The following NEDD4L variants were observed in gnomAD, a reference collection of about 807,000 sequenced individuals.
The protein encoded by NEDD4L is NEDD4 like E3 ubiquitin protein ligase, also known as E3 ubiquitin-protein ligase NEDD4-like.
A neutral mutation model predicts 148.9 loss-of-function variants in NEDD4L; 54 were observed. The observed-to-expected ratio is 0.36, with a 90% CI of 0.29 to 0.45. The LOEUF (loss-of-function observed/expected upper bound fraction) is 0.45, where lower values mean the gene tolerates loss of function less well. NEDD4L is among the 20% of genes least tolerant of loss of function. The pLI is 1.00. For synonymous variants in NEDD4L, 433 were observed against 440.7 expected (o/e 0.98, Z 0.22); for missense variants, 856 against 1,233.8 (o/e 0.69, Z 4.59).
intron 5 of NEDD4L, among the ~76,000 whole-genome samples, chr18:58,257,639 GT>G (rs1357893960): frequency 6.6e-6 from 1 of 152,140 alleles, no homozygotes; most frequent in Non-Finnish European, 1.5e-5. Context: ...TGGCCTTCCT[GT>G]TTCTCTGTTC....
intron 28 of NEDD4L, chr18:58,390,408 T>G (rs975623541): frequency 1.6e-4 from 62 of 394,984 alleles, no homozygotes; most frequent in Admixed American, 1.5e-4. Context: ...GCTTTTTATA[T>G]CATTTATTTT....
intron 19 of NEDD4L, among the ~76,000 whole-genome samples, chr18:58,363,909 T>G (rs1477065412): frequency 6.6e-6 from 1 of 152,210 alleles, no homozygotes; most frequent in Non-Finnish European, 1.5e-5. Context: ...TAGAAGTATT[T>G]AGCCAATAAC....
At chr18:58,068,798 A>T (rs1246469252) in intron 1 of NEDD4L, among the ~76,000 whole-genome samples, 1 of 152,176 alleles carries the variant, frequency 6.6e-6, no homozygotes, top group Non-Finnish European at 1.5e-5. Flanking sequence ...TACTCTGTTA[A>T]TGGGGCAAAG....
At chr18:58,274,487 G>T (rs1305046248) in intron 5 of NEDD4L, among the ~76,000 whole-genome samples, 1 of 152,196 alleles carries the variant, frequency 6.6e-6, no homozygotes, top group Non-Finnish European at 1.5e-5. Flanking sequence ...AACAGTTCAG[G>T]GATGCACTTG....
intron 10 of NEDD4L, 46 bp from the exon 11 acceptor site, chr18:58,330,692 C>G (rs761813584): frequency 2.8e-6 from 4 of 1,403,604 alleles, no homozygotes; most frequent in Non-Finnish European, 3.8e-6. Context: ...CTGGGTGGAT[C>G]CCTACTTCTT....
chr18:58,330,573 A>G (rs937742389), intron 10 of NEDD4L, among the ~76,000 whole-genome samples, 165 bp from the exon 11 acceptor site: 1 of 152,182 alleles, frequency 6.6e-6, no homozygotes, highest in African/African-American at 2.4e-5. Flanking sequence ...TGGGGGAGTT[A>G]TCTTCCTCGT....
chr18:58,287,500 A>G (rs2054105262), intron 5 of NEDD4L, among the ~76,000 whole-genome samples: 2 of 152,320 alleles, frequency 1.3e-5, no homozygotes, highest in African/African-American at 4.8e-5. Flanking sequence ...CCTCGGCACC[A>G]CAGCTCTGGG....
intron 2 of NEDD4L, among the ~76,000 whole-genome samples, chr18:58,223,757 A>G (rs1309797726): frequency 2.0e-5 from 3 of 152,172 alleles, no homozygotes; most frequent in African/African-American, 7.2e-5. Flanking sequence ...CCACTCGCTC[A>G]CCTTGAATCA....
At chr18:58,324,033 T>G (rs2059089498) in intron 8 of NEDD4L, among the ~76,000 whole-genome samples, 1 of 152,214 alleles carries the variant, frequency 6.6e-6, no homozygotes, top group African/African-American at 2.4e-5. Flanking sequence ...GAATAATGTG[T>G]GTGGAGAAGT....
chr18:58,249,000 A>G (rs183260922), intron 4 of NEDD4L, 63 bp downstream of exon 4: 6 of 771,546 alleles, frequency 7.8e-6, no homozygotes, highest in South Asian at 2.2e-5. Flanking sequence ...ATCACAGTCA[A>G]TTCATCTTGA....
chr18:58,095,400 C>T (rs1389074041), intron 1 of NEDD4L, among the ~76,000 whole-genome samples: 3 of 152,160 alleles, frequency 2.0e-5, no homozygotes, highest in Non-Finnish European at 2.9e-5. Flanking sequence ...GAAGCCAGTT[C>T]GGGCAGAGGG....
intron 19 of NEDD4L, chr18:58,357,573 C>G: frequency 2.0e-6 from 1 of 508,480 alleles, no homozygotes. Context: ...GAAGCAAAAC[C>G]AAGCCCTATC....
intron 14 of NEDD4L, among the ~76,000 whole-genome samples, chr18:58,341,463 C>CTAG (rs1441591965): frequency 2.6e-5 from 4 of 152,194 alleles, no homozygotes; most frequent in African/African-American, 9.7e-5. Context: ...TAATCCGAGG[C>CTAG]TAGTTTTTAT....
intron 16 of NEDD4L, among the ~76,000 whole-genome samples, chr18:58,346,865 T>C (rs1246714300): frequency 6.6e-6 from 1 of 151,990 alleles, no homozygotes; most frequent in Admixed American, 6.6e-5. Context: ...AAGTTGTCCA[T>C]AACTAATAGA....
At chr18:58,334,871 C>T (rs1479554414) in intron 12 of NEDD4L, among the ~76,000 whole-genome samples, 1 of 152,112 alleles carries the variant, frequency 6.6e-6, no homozygotes, top group African/African-American at 2.4e-5. Context: ...ACTGGAGAGA[C>T]TTAATAATAA....
At position 58,267,485 on chromosome 18, in the gene NEDD4L, G is replaced by A. The variant is rs543837619; in HGVS notation, c.297+15431G>A. ...GCAAGGCGGGAGCTGAGAGGCCTTT[G>A]CAGAAGTGCATGTCGCCTTAGTATG... is the stretch of plus-strand genomic sequence containing the variant. On this transcript the variant is annotated intron_variant, in intron 5 of 30. Coordinates refer to ENST00000400345, the MANE Select transcript of NEDD4L (RefSeq NM_001144967.3). 2.6e-5 allele frequency among the ~76,000 whole-genome samples: 4 copies of A among 152,170 alleles called. 1 individual carries two copies. In the South Asian group the frequency reaches 8.3e-4, roughly 32 times the overall value.
chr18:58,251,647 G>A (rs1280108850), intron 4 of NEDD4L, among the ~76,000 whole-genome samples: 3 of 152,024 alleles, frequency 2.0e-5, no homozygotes, highest in Admixed American at 2.0e-4. Flanking sequence ...CTGCTATCAG[G>A]ACTAAGAAAT....
chr18:58,212,873 A>G (rs987412708), intron 2 of NEDD4L, among the ~76,000 whole-genome samples: 2 of 152,266 alleles, frequency 1.3e-5, no homozygotes, highest in Non-Finnish European at 2.9e-5. Flanking sequence ...ATCTATAACA[A>G]AAAACTTACA....
chr18:58,178,086 C>T (rs981757455), intron 2 of NEDD4L, among the ~76,000 whole-genome samples: 5 of 152,212 alleles, frequency 3.3e-5, no homozygotes, highest in African/African-American at 1.2e-4. Context: ...TGTGTGTGAG[C>T]TGATGGTCCA....
Sources: allele counts gnomAD v4.1 joint callset (sites outside exome capture counted in the v4.1 genomes callset), GRCh38; gene constraint gnomAD v4.1.1; transcripts MANE v1.5; gene names NCBI Gene and HGNC (gene_info 2026-07-23, HGNC 2026-07-21).